NCOA6: variants seen among roughly 807,000 people sequenced by gnomAD.
NCOA6 encodes the protein nuclear receptor coactivator 6, also known as NRC RAP250.
A neutral mutation model predicts 171.4 loss-of-function variants in NCOA6; 49 were observed. The observed-to-expected ratio is 0.29, with a 90% CI of 0.23 to 0.36. The LOEUF (loss-of-function observed/expected upper bound fraction) is 0.36. Among genes scored for constraint, NCOA6 ranks in the 10% least tolerant of loss-of-function variants. The probability of loss-of-function intolerance (pLI) is 1.00; values close to 1 mark genes in which losing one functional copy is unlikely to be tolerated. For synonymous variants in NCOA6, 910 were observed against 927.5 expected, an observed-to-expected ratio of 0.98 and a Z score of 0.34; for missense variants, 2,248 against 2,554.5, an observed-to-expected ratio of 0.88 and a Z score of 2.59.
intron 13 of NCOA6, 126 bp from the exon 14 acceptor site, chr20:34,727,533 A>T (rs1990112824): frequency 9.5e-7 from 1 of 1,057,636 alleles, no homozygotes; most frequent in Non-Finnish European, 1.4e-6. Flanking sequence ...CTGGAGAGAA[A>T]GCAGTTCAAC....
chr20:34,760,075 T>C (rs2076770245), intron 5 of NCOA6, among the ~76,000 whole-genome samples: 1 of 152,022 alleles, frequency 6.6e-6, no homozygotes, highest in Admixed American at 6.6e-5. Context: ...GCCAGGAGTT[T>C]GAGACCAGCC....
rs1568901904 is a variant in NCOA6 at position 34,817,144 on chromosome 20, AGCAAAAGC to A, written c.-164+8320_-164+8327del. On this transcript the variant is annotated intron_variant, in intron 1 of 14. Coordinates refer to ENST00000359003, the MANE Select transcript of NCOA6 (RefSeq NM_014071.5). ...TCACACACACACACAAAAAAGCAAA[AGCAAAAGC>A]AAAAGAAAATGTATATAAATGGGTA... 5.0e-3 allele frequency among the ~76,000 whole-genome samples: 647 copies of A among 128,718 alleles called. 146 individuals carry two copies. The highest frequency in any genetic ancestry group is 0.021 in the Middle Eastern group (5 of 242). The allele number at this position is 128,718 out of a possible 152,430, so 84.4% of individuals were successfully genotyped here.
chr20:34,811,201 G>GTATATATATATATATATATATATATATA lies in NCOA6; in HGVS notation c.-164+14243_-164+14270dup, dbSNP rs10700283. Among the ~76,000 whole-genome samples the GTATATATATATATATATATATATATATA allele has an allele frequency of 1.1e-4, 6 of 53,840 alleles. 1 individual carries two copies. The highest frequency in any genetic ancestry group is 2.2e-4 in the Non-Finnish European group (6 of 27,250). The allele number at this position is 53,840 out of a possible 152,430, so 35.3% of individuals were successfully genotyped here. A position where few individuals can be genotyped will look rare whatever the true frequency, so the allele number is the denominator to read the frequency against. The stretch of plus-strand genomic sequence containing the variant: ...TATTTAACAACAACAACAACAACGT[G>GTATATATATATATATATATATATATATA]TATATATATATATATATATATATAT... On this transcript the variant is annotated intron_variant, in intron 1 of 14. Coordinates refer to ENST00000359003, the MANE Select transcript of NCOA6 (RefSeq NM_014071.5).
At chr20:34,769,609 C>T (rs1225888693) in intron 4 of NCOA6, among the ~76,000 whole-genome samples, 3 of 152,102 alleles carry the variant, frequency 2.0e-5, no homozygotes, top group African/African-American at 7.2e-5. Flanking sequence ...CGTGATCCAC[C>T]CACCTCGGCC....
In NCOA6 at chr20:34,740,366, T is replaced by C. The variant is rs375309042; in HGVS notation, c.5890A>G (p.Ile1964Val). 59 of 1,613,404 alleles carry C rather than the reference T, an allele frequency of 3.7e-5. No individual in the cohort carries two copies. Among genetic ancestry groups the C allele is most frequent in the Non-Finnish European group, 4.8e-5 (57 of 1,179,640 alleles). Residue 1964 changes from isoleucine to valine, a missense_variant, in exon 11 of 15, where the codon ATA becomes GTA. Coordinates refer to ENST00000359003, the MANE Select transcript of NCOA6 (RefSeq NM_014071.5). ...VGSHPELLPSIAPSQNLVSKE... is the reference protein window; with the variant it reads ...VGSHPELLPSVAPSQNLVSKE... The stretch of plus-strand genomic sequence containing the variant: ...TGATGAAGCCCCAAGTACATACCTA[T>C]GCTGGGTAGAAGTTCTGGATGGGAT...
rs376964965 is a variant in NCOA6 at position 34,741,522 on chromosome 20, T to C, written c.4734A>G (p.Val1578=). The change falls in exon 11 of 15, where the codon GTA becomes GTG. Residue 1578 remains valine (V), a synonymous_variant. Transcript: ENST00000359003. ...AGGAAGAGCTAACAGGTCTTGACAT[T>C]ACTGGAGGGATGCTTGGTGCAACGT... ...SSNVAPSIPP[V]MSRPVSSSSI... 15 of 1,614,028 alleles carry C rather than the reference T, an allele frequency of 9.3e-6. No homozygotes were observed. The highest frequency in any genetic ancestry group is 1.2e-5 in the Non-Finnish European group (14 of 1,180,034).
At position 34,749,400 on chromosome 20, in the gene NCOA6, T is replaced by C; in HGVS notation, c.2792+3A>G. On this transcript the variant is annotated splice_donor_region_variant and intron_variant, in intron 9 of 14. Transcript: ENST00000359003. ...AATTTGAGGCAAAACCATCACAACCTACTTTAGATCTTGCTGACTATTTTT... is the reference window on the plus strand; with the variant it reads ...AATTTGAGGCAAAACCATCACAACCCACTTTAGATCTTGCTGACTATTTTT... The C allele has an allele frequency of 6.3e-7, 1 of 1,587,886 alleles. No individual in the cohort carries two copies. Among genetic ancestry groups the C allele is most frequent in the African/African-American group, 1.4e-5 (1 of 73,834 alleles).
intron 10 of NCOA6, among the ~76,000 whole-genome samples, chr20:34,745,474 A>G (rs1319510348): frequency 6.6e-6 from 1 of 152,230 alleles, no homozygotes; most frequent in Non-Finnish European, 1.5e-5. Context: ...AGTCTCAGCT[A>G]TGCTGCTGCA....
At chr20:34,786,335 T>C (rs1406924333) in intron 2 of NCOA6, among the ~76,000 whole-genome samples, 2 of 152,184 alleles carry the variant, frequency 1.3e-5, no homozygotes, top group African/African-American at 4.8e-5. Context: ...GTTTTTCACA[T>C]CTCTATCTCC....
intron 12 of NCOA6, among the ~76,000 whole-genome samples, chr20:34,734,836 T>C (rs2075900923): frequency 6.6e-6 from 1 of 151,868 alleles, no homozygotes; most frequent in Non-Finnish European, 1.5e-5. Flanking sequence ...ATTTGTAGTT[T>C]GGGGTTTCTC....
At chr20:34,761,759 G>A (rs2076825474) in intron 5 of NCOA6, among the ~76,000 whole-genome samples, 2 of 152,044 alleles carry the variant, frequency 1.3e-5, no homozygotes, top group African/African-American at 4.8e-5. Context: ...GGGTTCAAGT[G>A]ATTCTCCTGC....
chr20:34,791,044 G>A lies in NCOA6; in HGVS notation c.-50+1406C>T, dbSNP rs144291795. 3.7e-3 allele frequency among the ~76,000 whole-genome samples: 562 copies of A among 152,310 alleles called. 6 individuals carry two copies. Among genetic ancestry groups the A allele is most frequent in the Middle Eastern group, 0.017 (5 of 294 alleles). On this transcript the variant is annotated intron_variant, in intron 2 of 14. Transcript: ENST00000359003. ...GGGAGGTATAGGGGATGGGGAATGG[G>A]ACATCTTAATGGTTATGAAGTTTCA...
At position 34,740,821 on chromosome 20, in the gene NCOA6, G is replaced by A. The variant is rs367588060; in HGVS notation, c.5435C>T (p.Ser1812Leu). The change falls in exon 11 of 15, where the codon TCG becomes TTG. Residue 1812 changes from serine to leucine, a missense_variant. Physicochemically the swap from Ser to Leu is moderately radical, Grantham distance 145. Transcript: ENST00000359003. ...GSSGNRRSPVSSSKGKGKVDK... is the reference protein window; with the variant it reads ...GSSGNRRSPVLSSKGKGKVDK... ...CACTTTTCCTTTGCCCTTACTAGAC[G>A]AGACTGGGCTTCGCCGGTTGCCAGA... is the stretch of plus-strand genomic sequence containing the variant. 9.3e-6 allele frequency: 15 copies of A among 1,614,062 alleles called. No homozygotes were observed. The highest frequency in any genetic ancestry group is 4.5e-5 in the East Asian group (2 of 44,888).
At chr20:34,807,414 A>T (rs2078490842) in intron 1 of NCOA6, among the ~76,000 whole-genome samples, 1 of 152,246 alleles carries the variant, frequency 6.6e-6, no homozygotes, top group Admixed American at 6.5e-5. Flanking sequence ...AACCCATGCC[A>T]TAATAAAAAT....
At chr20:34,791,275 T>C (rs1467799967) in intron 2 of NCOA6, among the ~76,000 whole-genome samples, 1 of 152,270 alleles carries the variant, frequency 6.6e-6, no homozygotes, top group Non-Finnish European at 1.5e-5. Context: ...AACATGCTTT[T>C]AGAAAAGTAT....
rs116469924 is a variant in NCOA6, at chr20:34,744,254, C to T, written c.2915-913G>A. ...AAAGAACTCTGAAGGACAATGTCTT[C>T]TAGATATGCAGAGGGCAACATCTCA... On this transcript the variant is annotated intron_variant, in intron 10 of 14. Coordinates refer to ENST00000359003, the MANE Select transcript of NCOA6 (RefSeq NM_014071.5). Among the ~76,000 whole-genome samples the T allele has an allele frequency of 4.2e-3, 632 of 152,278 alleles. 2 individuals are homozygous for T. Among genetic ancestry groups the T allele is most frequent in the African/African-American group, 0.015 (603 of 41,544 alleles).
chr20:34,739,503 C>T (rs1255175341), intron 11 of NCOA6, among the ~76,000 whole-genome samples: 2 of 152,080 alleles, frequency 1.3e-5, no homozygotes, highest in Admixed American at 6.5e-5. Flanking sequence ...TCTAGAGTAG[C>T]CCAGACAAAA....
rs779886347 is a variant in NCOA6 at position 34,757,169 on chromosome 20, A to T, written c.1528+51T>A. On this transcript the variant is annotated intron_variant, in intron 7 of 14. Transcript: ENST00000359003. ...AACTCTAAAAACTGAAGTTCTACTA[A>T]GATCTAGCTCCAGCAAATTTACCAA... 1.3e-5 allele frequency: 20 copies of T among 1,487,844 alleles called. 1 individual carries two copies. The Middle Eastern group carries it at 5.6e-4, about 41-fold the overall frequency. The allele number at this position is 1,487,844 out of a possible 1,614,324, so 92.2% of individuals were successfully genotyped here.
intron 9 of NCOA6, among the ~76,000 whole-genome samples, chr20:34,749,095 TGA>T (rs2076391992): frequency 6.6e-6 from 1 of 152,214 alleles, no homozygotes; most frequent in Admixed American, 6.5e-5. Flanking sequence ...ACACTGGATA[TGA>T]GAGTACTAAG....
Sources: allele counts gnomAD v4.1 joint callset (sites outside exome capture counted in the v4.1 genomes callset), GRCh38; gene constraint gnomAD v4.1.1; transcripts MANE v1.5; gene names NCBI Gene and HGNC (gene_info 2026-07-23, HGNC 2026-07-21).